Variants in KIF6 observed in about 807,000 individuals in gnomAD.
The protein encoded by KIF6 is kinesin family member 6.
KIF6 carries 106 observed loss-of-function variants against 112.7 expected under a neutral mutation model. That is an observed-to-expected ratio of 0.94 (90% CI 0.80 to 1.11). KIF6 has a LOEUF of 1.11. Among genes scored for constraint, KIF6 ranks in the 50% least tolerant of loss-of-function variants. The pLI is 0.00. For missense variants in KIF6, 929 were observed against 964.0 expected, an observed-to-expected ratio of 0.96 and a Z score of 0.48; for synonymous variants, 339 against 339.9, an observed-to-expected ratio of 1.00 and a Z score of 0.03.
chr6:39,644,215 C>T (rs1057206057), intron 3 of KIF6, among the ~76,000 whole-genome samples: 3 of 151,680 alleles, frequency 2.0e-5, no homozygotes, highest in South Asian at 2.1e-4. Flanking sequence ...AAATTGGAAC[C>T]TTCATACATT....
At chr6:39,679,134 T>C (rs1389807072) in intron 3 of KIF6, among the ~76,000 whole-genome samples, 1 of 152,218 alleles carries the variant, frequency 6.6e-6, no homozygotes, top group East Asian at 1.9e-4. Context: ...GTATACACAA[T>C]TAGAGTTCTG....
At chr6:39,543,616 A>T (rs1441055270) in intron 12 of KIF6, among the ~76,000 whole-genome samples, 2 of 110,358 alleles carry the variant, frequency 1.8e-5, no homozygotes, top group Admixed American at 8.4e-5. Flanking sequence ...TCTTTTGGTA[A>T]TTTAAAAAAA....
intron 4 of KIF6, among the ~76,000 whole-genome samples, chr6:39,635,541 C>T (rs1784581636): frequency 6.6e-6 from 1 of 152,042 alleles, no homozygotes; most frequent in African/African-American, 2.4e-5. Flanking sequence ...ACTGCCAATA[C>T]CTCACCTGTG....
chr6:39,521,177 T>C (rs1777378698), intron 13 of KIF6, among the ~76,000 whole-genome samples: 1 of 152,218 alleles, frequency 6.6e-6, no homozygotes, highest in African/African-American at 2.4e-5. Context: ...GGATGAAGTC[T>C]GATTACATTA....
intron 10 of KIF6, among the ~76,000 whole-genome samples, chr6:39,573,885 T>C (rs1207752116): frequency 1.3e-5 from 2 of 152,232 alleles, no homozygotes; most frequent in Non-Finnish European, 2.9e-5. Flanking sequence ...TTGCTCATAT[T>C]TGTGCCCCAC....
chr6:39,438,807 C>T (rs1771729086), intron 13 of KIF6, among the ~76,000 whole-genome samples: 1 of 152,224 alleles, frequency 6.6e-6, no homozygotes, highest in Non-Finnish European at 1.5e-5. Flanking sequence ...ACTCACCACT[C>T]ACTGGCTCAC....
At chr6:39,468,311 T>C (rs1773917385) in intron 13 of KIF6, among the ~76,000 whole-genome samples, 1 of 152,030 alleles carries the variant, frequency 6.6e-6, no homozygotes, top group South Asian at 2.1e-4. Flanking sequence ...GAAAAAATGT[T>C]TAAAGAAATA....
chr6:39,582,728 C>T (rs767096687), intron 9 of KIF6, among the ~76,000 whole-genome samples: 1 of 152,092 alleles, frequency 6.6e-6, no homozygotes, highest in Non-Finnish European at 1.5e-5. Flanking sequence ...GGTACCAATA[C>T]TTTTAAAGAA....
At chr6:39,499,565 C>A (rs1262237077) in intron 13 of KIF6, among the ~76,000 whole-genome samples, 1 of 152,116 alleles carries the variant, frequency 6.6e-6, no homozygotes, top group Non-Finnish European at 1.5e-5. Context: ...CCCCTGCATA[C>A]AACTCTGTAA....
At chr6:39,346,280 T>C (rs1249059720) in intron 20 of KIF6, 196 bp downstream of exon 20, 16 of 689,632 alleles carry the variant, frequency 2.3e-5, no homozygotes, top group Non-Finnish European at 3.7e-5. Context: ...TGAAAAGTCA[T>C]GTGTTGAACC....
At position 39,585,638 on chromosome 6, in the gene KIF6, A is replaced by C. The variant is rs1341866735; in HGVS notation, c.990+623T>G. On this transcript the variant is annotated intron_variant, in intron 8 of 22. Transcript: ENST00000287152. ...AGAACCACATATATAAATCATAATCATAGCAAGAGCCATAATCCACACACA... is the reference window on the plus strand; with the variant it reads ...AGAACCACATATATAAATCATAATCCTAGCAAGAGCCATAATCCACACACA... Among the ~76,000 whole-genome samples the C allele has an allele frequency of 2.6e-5, 4 of 152,236 alleles. No individual in the cohort carries two copies. In the East Asian group the frequency reaches 7.7e-4, roughly 29 times the overall value.
chr6:39,338,001 A>G (rs1361832408), intron 22 of KIF6, among the ~76,000 whole-genome samples: 3 of 152,212 alleles, frequency 2.0e-5, no homozygotes. Context: ...TCCACCCTGG[A>G]CTTACTGGAT....
chr6:39,528,857 C>T, intron 13 of KIF6, among the ~76,000 whole-genome samples: 1 of 152,048 alleles, frequency 6.6e-6, no homozygotes, highest in East Asian at 1.9e-4. Flanking sequence ...TTTTTCATTG[C>T]AATAGAAAAA....
chr6:39,696,480 A>G (rs1582470410), intron 3 of KIF6, among the ~76,000 whole-genome samples: 1 of 152,006 alleles, frequency 6.6e-6, no homozygotes, highest in South Asian at 2.1e-4. Flanking sequence ...GTCCCTAGTG[A>G]CCAGAAAGCT....
intron 15 of KIF6, among the ~76,000 whole-genome samples, chr6:39,415,786 A>T (rs558175791): frequency 2.0e-5 from 3 of 152,340 alleles, no homozygotes; most frequent in Admixed American, 2.0e-4. Context: ...GATCTGAGAA[A>T]TGATTTTCCC....
chr6:39,490,103 T>C (rs888042239), intron 13 of KIF6, among the ~76,000 whole-genome samples: 2 of 152,128 alleles, frequency 1.3e-5, no homozygotes, highest in Non-Finnish European at 2.9e-5. Flanking sequence ...GCCATCAGAG[T>C]TCCTGCTTCA....
At chr6:39,508,665 T>C (rs1218005973) in intron 13 of KIF6, among the ~76,000 whole-genome samples, 1 of 152,100 alleles carries the variant, frequency 6.6e-6, no homozygotes, top group Non-Finnish European at 1.5e-5. Flanking sequence ...GGGGAGGGGC[T>C]TCCGCCATTG....
intron 13 of KIF6, among the ~76,000 whole-genome samples, chr6:39,479,249 C>T (rs1562251290): frequency 6.6e-6 from 1 of 152,106 alleles, no homozygotes. Flanking sequence ...AGATTTAAGT[C>T]CTTGATCTGT....
chr6:39,467,549 C>T (rs1256851536), intron 13 of KIF6, among the ~76,000 whole-genome samples: 1 of 151,876 alleles, frequency 6.6e-6, no homozygotes, highest in Non-Finnish European at 1.5e-5. Flanking sequence ...CCTAAGGTGA[C>T]TGTGCACATG....
Sources: gnomAD v4.1 joint callset for allele counts (sites outside exome capture counted in the v4.1 genomes callset) on GRCh38, gnomAD v4.1.1 for gene constraint, MANE v1.5 for transcripts, NCBI Gene and HGNC (gene_info 2026-07-23, HGNC 2026-07-21) for gene names.